Variants in CTNNBIP1 observed in about 807,000 individuals in gnomAD.
CTNNBIP1 encodes beta-catenin-interacting protein 1.
Under a neutral mutation model 11.8 loss-of-function variants are expected in CTNNBIP1, and 7 were observed. The observed-to-expected ratio is 0.60, with a 90% CI of 0.34 to 1.12. The LOEUF (loss-of-function observed/expected upper bound fraction) is 1.12, where lower values mean the gene tolerates loss of function less well. Among genes scored for constraint, CTNNBIP1 ranks in the 50% most tolerant of loss-of-function variants. The probability of loss-of-function intolerance (pLI) is 0.03; values close to 1 mark genes in which losing one functional copy is unlikely to be tolerated. For synonymous variants in CTNNBIP1, 58 were observed against 43.9 expected, an observed-to-expected ratio of 1.32 and a Z score of -1.26; for missense variants, 101 against 113.4, an observed-to-expected ratio of 0.89 and a Z score of 0.50.
chr1:9,888,368 G>A (rs548241157), intron 1 of CTNNBIP1, among the ~76,000 whole-genome samples: 1 of 152,094 alleles, frequency 6.6e-6, no homozygotes, highest in East Asian at 2.0e-4. Flanking sequence ...GATCACCTGA[G>A]GTCAGGAGTT....
rs1638784002 is a variant in CTNNBIP1, at chr1:9,867,994, T to A, written c.187+3193A>T. On this transcript the variant is annotated intron_variant, in intron 5 of 5. Transcript: ENST00000377263. This position sits in a 1 kb window ranked among gnomAD's most constrained non-coding sequence, Gnocchi z 4.6. Reference sequence around the variant, plus strand: ...GATTGCAGTTCTGCTGTTATTGTTGTTGTGTTTGTTTGTGGTGTCGTTAGG... The same window carrying A: ...GATTGCAGTTCTGCTGTTATTGTTGATGTGTTTGTTTGTGGTGTCGTTAGG... Among the ~76,000 whole-genome samples, 1 of 152,200 alleles carries A rather than the reference T, an allele frequency of 6.6e-6. No individual in the cohort carries two copies. The highest frequency in any genetic ancestry group is 1.9e-4 in the East Asian group (1 of 5,196).
chr1:9,891,943 AG>A lies in CTNNBIP1; in HGVS notation c.-143-8206del, dbSNP rs1264775527. The stretch of plus-strand genomic sequence containing the variant: ...CGGCCTCCCGAGTAGTTGGGACTAC[AG>A]GTGCGTGCCACCATGTCCAGCTAAT... On this transcript the variant is annotated intron_variant, in intron 1 of 5. Transcript: ENST00000377263. Among the ~76,000 whole-genome samples the A allele has an allele frequency of 1.2e-4, 19 of 152,168 alleles. No individual in the cohort carries two copies. The South Asian group carries it at 2.9e-3, about 23-fold the overall frequency.
intron 1 of CTNNBIP1, among the ~76,000 whole-genome samples, chr1:9,889,772 A>G (rs1639263558): frequency 6.6e-6 from 1 of 152,208 alleles, no homozygotes; most frequent in African/African-American, 2.4e-5. Context: ...GACATACTAA[A>G]ACAAACCCAC....
In CTNNBIP1 at chr1:9,855,179, T is replaced by C. The variant is rs1472821174; in HGVS notation, c.188-4403A>G. Among the ~76,000 whole-genome samples, 6 of 151,690 alleles carry C rather than the reference T, an allele frequency of 4.0e-5. No homozygotes were observed. In the South Asian group the frequency reaches 1.2e-3, roughly 31 times the overall value. ...GTGCAAATTTTTATGCTTTGAATAGTACACAACATTACTGAATAAAATTCA... is the reference window on the plus strand; with the variant it reads ...GTGCAAATTTTTATGCTTTGAATAGCACACAACATTACTGAATAAAATTCA... On this transcript the variant is annotated intron_variant, in intron 5 of 5. Coordinates refer to ENST00000377263, the MANE Select transcript of CTNNBIP1 (RefSeq NM_020248.3).
At position 9,872,647 on chromosome 1, in the gene CTNNBIP1, C is replaced by T. The variant is rs954334815; in HGVS notation, c.-24-559G>A. 3.3e-5 allele frequency among the ~76,000 whole-genome samples: 5 copies of T among 152,160 alleles called. No homozygotes were observed. The highest frequency in any genetic ancestry group is 1.3e-4 in the Admixed American group (2 of 15,284). On this transcript the variant is annotated intron_variant, in intron 3 of 5. Coordinates refer to ENST00000377263, the MANE Select transcript of CTNNBIP1 (RefSeq NM_020248.3). The surrounding 1 kb of genome is among the most constrained non-coding windows in gnomAD (Gnocchi z 4.0). ...GGGTTGTGGCTCCTGGGCTGGGCTCCAAGGGGTCCCTTGATGGAAAGACGC... is the reference window on the plus strand; with the variant it reads ...GGGTTGTGGCTCCTGGGCTGGGCTCTAAGGGGTCCCTTGATGGAAAGACGC...
intron 3 of CTNNBIP1, among the ~76,000 whole-genome samples, chr1:9,876,183 G>A (rs1364629466): frequency 6.6e-6 from 1 of 152,176 alleles, no homozygotes; most frequent in East Asian, 1.9e-4. Flanking sequence ...AGAACCAAAA[G>A]TAATGATGGT....
At chr1:9,858,572 T>C (rs1638558452) in intron 5 of CTNNBIP1, among the ~76,000 whole-genome samples, 2 of 152,188 alleles carry the variant, frequency 1.3e-5, no homozygotes, top group African/African-American at 2.4e-5. Context: ...TTGCACTTCA[T>C]AGAGGCCCTC....
chr1:9,895,266 G>A (rs998435201), intron 1 of CTNNBIP1, among the ~76,000 whole-genome samples: 1 of 150,208 alleles, frequency 6.7e-6, no homozygotes, highest in African/African-American at 2.5e-5. Flanking sequence ...TGGCACAATT[G>A]CAACTCACTG....
Position 9,871,289 on chromosome 1 carries a change from G to C in CTNNBIP1, c.97-12C>G, listed in dbSNP as rs1638855611. On this transcript the variant is annotated splice_polypyrimidine_tract_variant and intron_variant, in intron 4 of 5. Transcript: ENST00000377263. This position sits in a 1 kb window ranked among gnomAD's most constrained non-coding sequence, Gnocchi z 5.2. ...TCGCTGGCTGTCAGCTGCAGGGTGA[G>C]AGAGCTGTGGTGAGGGGCAGCATGC... 1 of 1,554,800 alleles carries C rather than the reference G, an allele frequency of 6.4e-7. No homozygotes were observed. The highest frequency in any genetic ancestry group is 1.9e-5 in the Admixed American group (1 of 51,336).
chr1:9,905,603 TG>T (rs976207273), intron 1 of CTNNBIP1, among the ~76,000 whole-genome samples: 10 of 151,598 alleles, frequency 6.6e-5, no homozygotes, highest in Non-Finnish European at 1.3e-4. Flanking sequence ...TTTTTTTTTT[TG>T]TATTTTTAGT....
In CTNNBIP1 at chr1:9,872,083, G is replaced by C. The variant is rs374946565; in HGVS notation, c.-19C>G. 2 of 1,592,146 alleles carry C rather than the reference G, an allele frequency of 1.3e-6. No homozygotes were observed. The highest frequency in any genetic ancestry group is 3.3e-5 in the Admixed American group (2 of 59,990). On this transcript the variant is annotated 5_prime_UTR_variant, in exon 4 of 6. Transcript: ENST00000377263. The surrounding 1 kb of genome is among the most constrained non-coding windows in gnomAD (Gnocchi z 4.0). The stretch of plus-strand genomic sequence containing the variant: ...GGTTCATCCCCCTGCCTGGCTCTGG[G>C]GACTCCTGCAGAGCAAGCAACAGCA...
intron 5 of CTNNBIP1, among the ~76,000 whole-genome samples, chr1:9,864,233 C>T (rs1043592982): frequency 3.3e-5 from 5 of 152,228 alleles, no homozygotes. Flanking sequence ...GGGCATGGCC[C>T]CAGGAGGCCC....
intron 2 of CTNNBIP1, among the ~76,000 whole-genome samples, chr1:9,879,196 C>CAA (rs35308314): frequency 6.0e-4 from 88 of 146,892 alleles, no homozygotes; most frequent in African/African-American, 1.4e-3. Flanking sequence ...GACTCCATCT[C>CAA]AAAAAAAAAA....
chr1:9,894,720 G>A (rs558868913), intron 1 of CTNNBIP1, among the ~76,000 whole-genome samples: 38 of 151,104 alleles, frequency 2.5e-4, no homozygotes, highest in Middle Eastern at 3.4e-3. Flanking sequence ...TAGAAATGGC[G>A]TTTCACCATG....
At chr1:9,897,320 G>T (rs1187467460) in intron 1 of CTNNBIP1, among the ~76,000 whole-genome samples, 1 of 152,118 alleles carries the variant, frequency 6.6e-6, no homozygotes, top group African/African-American at 2.4e-5. Context: ...CAGATGTGGT[G>T]GCGGGTGCCT....
chr1:9,878,920 AG>A (rs762592383), intron 2 of CTNNBIP1, among the ~76,000 whole-genome samples: 14 of 152,288 alleles, frequency 9.2e-5, no homozygotes, highest in Non-Finnish European at 1.6e-4. Flanking sequence ...TAATTTTGCC[AG>A]GCGCGGTGGC....
chr1:9,863,351 C>G (rs974308642), intron 5 of CTNNBIP1, among the ~76,000 whole-genome samples: 1 of 152,208 alleles, frequency 6.6e-6, no homozygotes, highest in Non-Finnish European at 1.5e-5. Context: ...AGATTAGCTT[C>G]CCATCTCATA....
At chr1:9,879,066 G>A (rs186107411) in intron 2 of CTNNBIP1, among the ~76,000 whole-genome samples, 12 of 152,112 alleles carry the variant, frequency 7.9e-5, no homozygotes, top group East Asian at 5.8e-4. Flanking sequence ...ACGTGGTGGC[G>A]GGCGCCTGTA....
Position 9,888,403 on chromosome 1 carries a change from G to A in CTNNBIP1, c.-143-4665C>T, listed in dbSNP as rs146907364. Among the ~76,000 whole-genome samples, 72 of 151,224 alleles carry A rather than the reference G, an allele frequency of 4.8e-4. No individual in the cohort carries two copies. In the East Asian group the frequency reaches 0.013, roughly 27 times the overall value. ...TCAAGACCAGCCTGGCAAACATGGTGAAACCCCGTCTCTACTAAAAAATAC... is the reference window on the plus strand; with the variant it reads ...TCAAGACCAGCCTGGCAAACATGGTAAAACCCCGTCTCTACTAAAAAATAC... On this transcript the variant is annotated intron_variant, in intron 1 of 5. Coordinates refer to ENST00000377263, the MANE Select transcript of CTNNBIP1 (RefSeq NM_020248.3).
Sources: allele counts gnomAD v4.1 joint callset (sites outside exome capture counted in the v4.1 genomes callset), GRCh38; gene constraint gnomAD v4.1.1; non-coding constraint Gnocchi (gnomAD v3.1); transcripts MANE v1.5; gene names NCBI Gene and HGNC (gene_info 2026-07-23, HGNC 2026-07-21).